The following COBL variants were observed in gnomAD, a reference collection of about 807,000 sequenced individuals.
COBL encodes the protein protein cordon-bleu.
A neutral mutation model predicts 98.8 loss-of-function variants in COBL; 51 were observed. That is an observed-to-expected ratio of 0.52 (90% CI 0.41 to 0.65). COBL has a LOEUF of 0.65. Among genes scored for constraint, COBL ranks in the 30% least tolerant of loss-of-function variants. The pLI, the probability that COBL is intolerant of heterozygous loss-of-function variation, is 0.00. For missense variants in COBL, 1,617 were observed against 1,617.5 expected (o/e 1.00, Z 0.01); for synonymous variants, 634 against 651.7 (o/e 0.97, Z 0.41).
chr7:51,039,164 G>A (rs183924852), intron 8 of COBL, among the ~76,000 whole-genome samples: 136 of 152,302 alleles, frequency 8.9e-4, no homozygotes, highest in Admixed American at 2.4e-3. Flanking sequence ...AACTAGGGAC[G>A]CTCTGCCAGG....
intron 1 of COBL, among the ~76,000 whole-genome samples, chr7:51,262,064 T>C (rs1563100613): frequency 6.6e-6 from 1 of 151,952 alleles, no homozygotes; most frequent in African/African-American, 2.4e-5. Context: ...TGGAGAGGGG[T>C]GGGCCCGTGC....
chr7:51,105,059 G>A (rs540107329), intron 6 of COBL, among the ~76,000 whole-genome samples: 242 of 152,070 alleles, frequency 1.6e-3, no homozygotes, highest in Admixed American at 2.9e-3. Flanking sequence ...ATGAAACTTA[G>A]GTGACGTCAA....
Position 51,111,869 on chromosome 7 carries a change from T to A in COBL, c.957+24289A>T, listed in dbSNP as rs186130334. Among the ~76,000 whole-genome samples, 4 of 152,340 alleles carry A rather than the reference T, an allele frequency of 2.6e-5. No individual in the cohort carries two copies. In the East Asian group the frequency reaches 7.7e-4, roughly 29 times the overall value. On this transcript the variant is annotated intron_variant, in intron 6 of 12. Transcript: ENST00000265136. ...TGAGTGCATTTCTGAATGGCAAGAC[T>A]GGGCAGAAAGGGCCTGTGTACATAA...
chr7:51,066,351 C>T (rs575366749), intron 7 of COBL, among the ~76,000 whole-genome samples: 1 of 152,294 alleles, frequency 6.6e-6, no homozygotes, highest in East Asian at 1.9e-4. Flanking sequence ...TTTCTCCTTC[C>T]TCTGTGGACA....
At chr7:51,309,893 G>A (rs1380285283) in intron 1 of COBL, among the ~76,000 whole-genome samples, 1 of 152,206 alleles carries the variant, frequency 6.6e-6, no homozygotes, top group Non-Finnish European at 1.5e-5. Context: ...GGGAGGGCGT[G>A]GGGTGTGAGA....
intron 5 of COBL, among the ~76,000 whole-genome samples, chr7:51,142,643 C>T (rs1299840867): frequency 6.6e-6 from 1 of 152,120 alleles, no homozygotes; most frequent in Non-Finnish European, 1.5e-5. Flanking sequence ...CTTGGCCTCC[C>T]AAAGTGCTGG....
At chr7:51,291,804 T>A (rs1290586021) in intron 1 of COBL, among the ~76,000 whole-genome samples, 5 of 151,748 alleles carry the variant, frequency 3.3e-5, no homozygotes, top group African/African-American at 1.2e-4. Flanking sequence ...AGCACAGAAG[T>A]ATTTACAAAT....
At chr7:51,042,777 T>C (rs1789330483) in intron 8 of COBL, among the ~76,000 whole-genome samples, 1 of 152,142 alleles carries the variant, frequency 6.6e-6, no homozygotes, top group African/African-American at 2.4e-5. Context: ...ATCAGAGAAA[T>C]GTAAATGAAA....
intron 1 of COBL, among the ~76,000 whole-genome samples, chr7:51,237,902 C>T (rs1795420412): frequency 6.6e-6 from 1 of 152,170 alleles, no homozygotes; most frequent in Admixed American, 6.5e-5. Flanking sequence ...GAGCTGTCTG[C>T]TTACACCTGG....
At chr7:51,198,008 T>C (rs1477827545) in intron 2 of COBL, among the ~76,000 whole-genome samples, 1 of 152,220 alleles carries the variant, frequency 6.6e-6, no homozygotes, top group Non-Finnish European at 1.5e-5. Context: ...ATTTAGCTCA[T>C]TTACATTCAA....
At chr7:51,207,958 T>C (rs801136) in intron 2 of COBL, among the ~76,000 whole-genome samples, 98,659 of 139,756 alleles carry the variant, frequency 0.71, 34,196 homozygotes, top group East Asian at 0.81. Context: ...CGTCTCTGCC[T>C]GGCCGCCATC....
chr7:51,090,791 A>T (rs1794738702), intron 6 of COBL, among the ~76,000 whole-genome samples: 2 of 152,220 alleles, frequency 1.3e-5, no homozygotes, highest in African/African-American at 4.8e-5. Context: ...GTCTCAGTTG[A>T]CCAGGAATAC....
rs1786389573 is a variant in COBL at position 51,158,233 on chromosome 7, T to C, written c.784-21902A>G. Among the ~76,000 whole-genome samples, 3 of 152,248 alleles carry C rather than the reference T, an allele frequency of 2.0e-5. No individual in the cohort carries two copies. In the South Asian group the frequency reaches 6.2e-4, roughly 32 times the overall value. Reference sequence around the variant, plus strand: ...ACTATTTCTATGTATTTTCTATTTGTTTATTTTATTTATTTTACTCTGTAA... The same window carrying C: ...ACTATTTCTATGTATTTTCTATTTGCTTATTTTATTTATTTTACTCTGTAA... On this transcript the variant is annotated intron_variant, in intron 5 of 12. Coordinates refer to ENST00000265136, the MANE Select transcript of COBL (RefSeq NM_015198.5).
At chr7:51,278,419 C>A (rs1193450824) in intron 1 of COBL, among the ~76,000 whole-genome samples, 4 of 132,114 alleles carry the variant, frequency 3.0e-5, no homozygotes, top group Non-Finnish European at 6.1e-5. Flanking sequence ...CTCACTCTGT[C>A]GCCAGGCTGG....
chr7:51,195,946 G>A (rs1028953805), intron 2 of COBL, among the ~76,000 whole-genome samples: 2 of 152,128 alleles, frequency 1.3e-5, no homozygotes, highest in Non-Finnish European at 2.9e-5. Context: ...TCTGCAAATG[G>A]AGATAGTTTG....
At chr7:51,233,772 C>G (rs1479674640) in intron 1 of COBL, among the ~76,000 whole-genome samples, 1 of 152,200 alleles carries the variant, frequency 6.6e-6, no homozygotes, top group African/African-American at 2.4e-5. Flanking sequence ...CGGACGTTTT[C>G]AGGATGTGCA....
intron 5 of COBL, among the ~76,000 whole-genome samples, chr7:51,150,857 T>G (rs1470858237): frequency 6.6e-6 from 1 of 152,168 alleles, no homozygotes; most frequent in East Asian, 1.9e-4. Context: ...AAATTATAGC[T>G]GGGATGTCAT....
At chr7:51,272,778 C>A (rs1367154427) in intron 1 of COBL, among the ~76,000 whole-genome samples, 1 of 152,156 alleles carries the variant, frequency 6.6e-6, no homozygotes, top group Admixed American at 6.6e-5. Context: ...TTGGGAGTCT[C>A]CCCATGTCTA....
At position 51,016,618 on chromosome 7, in the gene COBL, T is replaced by C. The variant is rs1392893700; in HGVS notation, c.*933A>G. 3.2e-5 allele frequency: 8 copies of C among 250,444 alleles called. No homozygotes were observed. The highest frequency in any genetic ancestry group is 4.5e-5 in the Non-Finnish European group (6 of 132,368). 15.5% of individuals were successfully genotyped at this position (250,444 alleles called of 1,614,324 possible). A position where few individuals can be genotyped will look rare whatever the true frequency, so the allele number is the denominator to read the frequency against. On this transcript the variant is annotated 3_prime_UTR_variant, in exon 13 of 13. Coordinates refer to ENST00000265136, the MANE Select transcript of COBL (RefSeq NM_015198.5). Reference sequence around the variant, plus strand: ...CAAACGCGTCAAGGCTGAACCAAAATTGTGATGCTCTCAGCGCAACTTTGA... The same window carrying C: ...CAAACGCGTCAAGGCTGAACCAAAACTGTGATGCTCTCAGCGCAACTTTGA...
Sources: gnomAD v4.1 joint callset for allele counts (sites outside exome capture counted in the v4.1 genomes callset) on GRCh38, gnomAD v4.1.1 for gene constraint, MANE v1.5 for transcripts, NCBI Gene and HGNC (gene_info 2026-07-23, HGNC 2026-07-21) for gene names.